The following FNBP1 variants were observed in gnomAD, a reference collection of about 807,000 sequenced individuals.
The protein encoded by FNBP1 is formin-binding protein 1.
A neutral mutation model predicts 90.6 loss-of-function variants in FNBP1; 26 were observed. That is an observed-to-expected ratio of 0.29 (90% confidence interval 0.21 to 0.40). The LOEUF (loss-of-function observed/expected upper bound fraction) is 0.40. FNBP1 is among the 10% of genes least tolerant of loss of function. The pLI is 1.00. For synonymous variants in FNBP1, 260 were observed against 265.2 expected, an observed-to-expected ratio of 0.98 and a Z score of 0.19; for missense variants, 635 against 768.0, an observed-to-expected ratio of 0.83 and a Z score of 2.05.
At chr9:130,023,907 A>G (rs779554366) in intron 1 of FNBP1, among the ~76,000 whole-genome samples, 22 of 151,970 alleles carry the variant, frequency 1.4e-4, no homozygotes, top group Non-Finnish European at 2.8e-4. Flanking sequence ...CCCACAATTC[A>G]GACTGGTTAC....
At chr9:130,001,315 AAAAC>A (rs1375853598) in intron 1 of FNBP1, among the ~76,000 whole-genome samples, 1 of 9,510 alleles carries the variant, frequency 1.1e-4, no homozygotes, top group African/African-American at 1.2e-4. Context: ...CCATCTCAAA[AAAAC>A]AAAACAAAAC....
intron 4 of FNBP1, among the ~76,000 whole-genome samples, chr9:129,973,204 AC>A (rs1216517572): frequency 1.9e-4 from 29 of 152,202 alleles, no homozygotes; most frequent in Non-Finnish European, 3.4e-4. Flanking sequence ...TTTAAGACAG[AC>A]CTGAAGCATG....
intron 1 of FNBP1, among the ~76,000 whole-genome samples, chr9:130,033,264 A>C (rs2058969480): frequency 6.6e-6 from 1 of 152,184 alleles, no homozygotes; most frequent in Non-Finnish European, 1.5e-5. Flanking sequence ...AGGAACAGAG[A>C]TGCAAGGACT....
At chr9:129,962,778 G>T (rs2048016807) in intron 4 of FNBP1, among the ~76,000 whole-genome samples, 1 of 152,150 alleles carries the variant, frequency 6.6e-6, no homozygotes, top group South Asian at 2.1e-4. Flanking sequence ...AGGGATCCAG[G>T]CTGTGGGAGA....
At chr9:129,978,883 T>C (rs1417476167) in intron 3 of FNBP1, among the ~76,000 whole-genome samples, 2 of 152,234 alleles carry the variant, frequency 1.3e-5, no homozygotes, top group Non-Finnish European at 2.9e-5. Context: ...CCAAAATTCA[T>C]ATACATGCTA....
the FNBP1 span, among the ~76,000 whole-genome samples, chr9:130,049,985 T>C: frequency 6.6e-6 from 1 of 152,110 alleles, no homozygotes; most frequent in Admixed American, 6.6e-5. Context: ...CAAACCATCT[T>C]CCCCAGTAGC....
chr9:129,983,672 G>A (rs1212652181), intron 2 of FNBP1, among the ~76,000 whole-genome samples: 1 of 152,100 alleles, frequency 6.6e-6, no homozygotes, highest in East Asian at 1.9e-4. Flanking sequence ...TTAGCTGGGA[G>A]TGGTGGCACA....
intron 10 of FNBP1, among the ~76,000 whole-genome samples, chr9:129,922,343 G>A (rs1221866406): frequency 6.6e-6 from 1 of 152,192 alleles, no homozygotes; most frequent in African/African-American, 2.4e-5. Context: ...AATGAGGACA[G>A]CGGACTTCAA....
chr9:129,980,146 G>A (rs1249807586), intron 2 of FNBP1, among the ~76,000 whole-genome samples: 2 of 151,368 alleles, frequency 1.3e-5, no homozygotes, highest in Admixed American at 1.3e-4. Context: ...GATCACCTGA[G>A]GTTGGAAGTT....
At chr9:130,004,265 A>C (rs1288110012) in intron 1 of FNBP1, among the ~76,000 whole-genome samples, 3 of 138,960 alleles carry the variant, frequency 2.2e-5, no homozygotes, top group African/African-American at 8.8e-5. Context: ...TCCATCTCGA[A>C]AAAAAAAAAA....
chr9:129,909,919 A>G (rs1442857909), intron 11 of FNBP1, among the ~76,000 whole-genome samples: 1 of 152,186 alleles, frequency 6.6e-6, no homozygotes, highest in Non-Finnish European at 1.5e-5. Context: ...GAAGCCTCTC[A>G]GAGTTCAGAG....
chr9:129,939,870 T>G (rs528156134), intron 6 of FNBP1, among the ~76,000 whole-genome samples: 1 of 151,548 alleles, frequency 6.6e-6, no homozygotes, highest in South Asian at 2.1e-4. Flanking sequence ...GTAAGAAAAA[T>G]GAGAACCTGA....
At chr9:130,039,088 T>C (rs532801243) in intron 1 of FNBP1, among the ~76,000 whole-genome samples, 7 of 152,336 alleles carry the variant, frequency 4.6e-5, no homozygotes, top group Non-Finnish European at 7.3e-5. Context: ...ATATTTACCT[T>C]ACTAACACTG....
chr9:129,927,203 G>C lies in FNBP1; in HGVS notation c.781C>G (p.Gln261Glu). The change falls in exon 8 of 17, where the codon CAG becomes GAG. Residue 261 changes from glutamine (Q) to glutamate (E), a missense_variant. Coordinates refer to ENST00000446176, the MANE Select transcript of FNBP1 (RefSeq NM_015033.3). ...CAAATGGCAATACTTACATTTTTCT[G>C]ATCAATTGATTCGGCTGCTTTTACT... ...GIVKAAESID[Q>E]KNDSQLVIEA... The C allele has an allele frequency of 6.2e-7, 1 of 1,613,446 alleles. No homozygotes were observed. The highest frequency in any genetic ancestry group is 8.5e-7 in the Non-Finnish European group (1 of 1,179,698).
intron 4 of FNBP1, among the ~76,000 whole-genome samples, chr9:129,975,868 A>ACTC (rs2050222767): frequency 7.1e-6 from 1 of 141,124 alleles, no homozygotes; most frequent in Non-Finnish European, 1.5e-5. Context: ...GTGCCACTGC[A>ACTC]CTCCAGTCTG....
In FNBP1 at chr9:129,966,727, C is replaced by T. The variant is rs1258195899; in HGVS notation, c.346-8174G>A. Among the ~76,000 whole-genome samples the T allele has an allele frequency of 6.9e-6, 1 of 144,178 alleles. No homozygotes were observed. Among genetic ancestry groups the T allele is most frequent in the Non-Finnish European group, 1.5e-5 (1 of 64,850 alleles). The allele number at this position is 144,178 out of a possible 152,430, so 94.6% of individuals were successfully genotyped here. ...AAGTCTGGGTGATGGAGCGAGACTC[C>T]GTCTAAACAACAACAACAACAACAA... On this transcript the variant is annotated intron_variant, in intron 4 of 16. Coordinates refer to ENST00000446176, the MANE Select transcript of FNBP1 (RefSeq NM_015033.3). This position sits in a 1 kb window ranked among gnomAD's most constrained non-coding sequence, Gnocchi z 4.3.
At chr9:129,925,537 AGAT>A (rs953956158) in intron 8 of FNBP1, among the ~76,000 whole-genome samples, 15 of 150,970 alleles carry the variant, frequency 9.9e-5, no homozygotes, top group African/African-American at 3.6e-4. Context: ...GATCTCATAC[AGAT>A]GATAACTAAC....
chr9:130,023,570 CTG>C (rs1408085263), intron 1 of FNBP1, among the ~76,000 whole-genome samples: 17 of 152,192 alleles, frequency 1.1e-4, no homozygotes, highest in African/African-American at 3.9e-4. Flanking sequence ...CCGGAGGAGA[CTG>C]TGTTGCAAGA....
chr9:130,008,916 TAGAG>T (rs761202731), intron 1 of FNBP1, among the ~76,000 whole-genome samples: 28 of 152,232 alleles, frequency 1.8e-4, no homozygotes, highest in African/African-American at 4.8e-4. Context: ...AAGAGGGTGA[TAGAG>T]AGAGAAAGAA....
Sources: allele counts gnomAD v4.1 joint callset (sites outside exome capture counted in the v4.1 genomes callset), GRCh38; gene constraint gnomAD v4.1.1; non-coding constraint Gnocchi (gnomAD v3.1); transcripts MANE v1.5; gene names NCBI Gene and HGNC (gene_info 2026-07-23, HGNC 2026-07-21).